RASGRP1: variants seen among roughly 807,000 people sequenced by gnomAD.
RASGRP1 encodes RAS guanyl-releasing protein 1.
A neutral mutation model predicts 95.1 loss-of-function variants in RASGRP1; 37 were observed. The ratio of observed to expected loss-of-function variants is 0.39; its 90% confidence interval spans 0.30 to 0.51. The LOEUF is 0.51. RASGRP1 is among the 20% of genes least tolerant of loss of function. RASGRP1 has a pLI of 0.80. For missense variants in RASGRP1, 711 were observed against 965.4 expected, an observed-to-expected ratio of 0.74 and a Z score of 3.49; for synonymous variants, 325 against 353.4, an observed-to-expected ratio of 0.92 and a Z score of 0.90.
chr15:38,514,324 G>A (rs1595845287), intron 6 of RASGRP1, among the ~76,000 whole-genome samples: 3 of 151,934 alleles, frequency 2.0e-5, no homozygotes, highest in Admixed American at 6.6e-5. Flanking sequence ...CATCTTACTG[G>A]TTCTAAAAGA....
Position 38,490,343 on chromosome 15 carries a change from T to A in RASGRP1, c.*211A>T, listed in dbSNP as rs1270983400. 5 of 411,574 alleles carry A rather than the reference T, an allele frequency of 1.2e-5. No individual in the cohort carries two copies. Among genetic ancestry groups the A allele is most frequent in the Non-Finnish European group, 2.1e-5 (5 of 242,740 alleles). The allele number at this position is 411,574 out of a possible 1,614,324, so 25.5% of individuals were successfully genotyped here. A position where few individuals can be genotyped will look rare whatever the true frequency, so the allele number is the denominator to read the frequency against. On this transcript the variant is annotated 3_prime_UTR_variant, in exon 17 of 17. Transcript: ENST00000310803. ...TGGTATGAATAGCAAAAGTTTTGCATTCTTTAGTTTTCCCCCTTTGAGTCA... is the reference window on the plus strand; with the variant it reads ...TGGTATGAATAGCAAAAGTTTTGCAATCTTTAGTTTTCCCCCTTTGAGTCA...
chr15:38,564,665 C>T lies in RASGRP1; in HGVS notation c.-37G>A. 4 of 1,238,954 alleles carry T rather than the reference C, an allele frequency of 3.2e-6. No homozygotes were observed. Among genetic ancestry groups the T allele is most frequent in the South Asian group, 3.6e-5 (1 of 27,630 alleles). 76.7% of individuals were successfully genotyped at this position (1,238,954 alleles called of 1,614,324 possible). A position where few individuals can be genotyped will look rare whatever the true frequency, so the allele number is the denominator to read the frequency against. On this transcript the variant is annotated 5_prime_UTR_variant, in exon 1 of 17. Coordinates refer to ENST00000310803, the MANE Select transcript of RASGRP1 (RefSeq NM_005739.4). ...GCGCTCCCGGTGCCGGCTCACCTAGCGCGGCCGGGCGCGGCGCATCGCCCC... is the reference window on the plus strand; with the variant it reads ...GCGCTCCCGGTGCCGGCTCACCTAGTGCGGCCGGGCGCGGCGCATCGCCCC...
chr15:38,511,054 C>T (rs890258503), intron 8 of RASGRP1, among the ~76,000 whole-genome samples: 2 of 152,138 alleles, frequency 1.3e-5, no homozygotes, highest in Admixed American at 1.3e-4. Context: ...ATGTACAGGA[C>T]ATTTAAGAAA....
intron 16 of RASGRP1, among the ~76,000 whole-genome samples, chr15:38,491,778 A>G (rs1022969521): frequency 2.0e-5 from 3 of 152,332 alleles, no homozygotes; most frequent in South Asian, 4.1e-4. Context: ...CCTTAGGTCT[A>G]TCTGACAAGC....
At chr15:38,525,688 C>A (rs1206961941) in intron 3 of RASGRP1, among the ~76,000 whole-genome samples, 1 of 152,210 alleles carries the variant, frequency 6.6e-6, no homozygotes, top group Non-Finnish European at 1.5e-5. Flanking sequence ...AACGGTCTCA[C>A]TCCGCCTACA....
At chr15:38,553,133 C>T (rs1275197903) in intron 2 of RASGRP1, among the ~76,000 whole-genome samples, 1 of 152,238 alleles carries the variant, frequency 6.6e-6, no homozygotes. Context: ...CTTACATTCT[C>T]ACTCTTTCCC....
intron 2 of RASGRP1, among the ~76,000 whole-genome samples, 163 bp from the exon 3 acceptor site, chr15:38,526,567 TAC>T (rs1381817351): frequency 2.0e-4 from 30 of 152,334 alleles, no homozygotes; most frequent in Non-Finnish European, 3.5e-4. Flanking sequence ...ATCCTCCTGC[TAC>T]ATTCTTCCCT....
chr15:38,491,557 A>G (rs995285961), intron 16 of RASGRP1, among the ~76,000 whole-genome samples: 1 of 152,162 alleles, frequency 6.6e-6, no homozygotes, highest in African/African-American at 2.4e-5. Context: ...CTTTTGTCCC[A>G]TGCTGGTTCA....
At chr15:38,558,628 G>A (rs575817252) in intron 2 of RASGRP1, among the ~76,000 whole-genome samples, 122 of 152,312 alleles carry the variant, frequency 8.0e-4, no homozygotes, top group African/African-American at 2.7e-3. Context: ...GCCCAGCAAT[G>A]TGTGCTAAAA....
intron 3 of RASGRP1, among the ~76,000 whole-genome samples, chr15:38,523,574 A>C (rs1892081012): frequency 6.6e-6 from 1 of 152,196 alleles, no homozygotes; most frequent in South Asian, 2.1e-4. Flanking sequence ...TATAGTGTTT[A>C]TAAAACCTAC....
chr15:38,549,486 T>C (rs1429039135), intron 2 of RASGRP1, among the ~76,000 whole-genome samples: 6 of 152,316 alleles, frequency 3.9e-5, no homozygotes, highest in Admixed American at 2.6e-4. Context: ...ATGATTCAGA[T>C]AGATCAGTGA....
intron 7 of RASGRP1, 141 bp from the exon 8 acceptor site, chr15:38,511,861 T>C: frequency 1.6e-6 from 1 of 619,294 alleles, no homozygotes; most frequent in South Asian, 1.9e-5. Flanking sequence ...CAATTTCCTG[T>C]CCATGTCTCC....
intron 12 of RASGRP1, among the ~76,000 whole-genome samples, 179 bp downstream of exon 12, chr15:38,502,133 G>A (rs925008250): frequency 6.6e-6 from 1 of 152,198 alleles, no homozygotes; most frequent in East Asian, 1.9e-4. Flanking sequence ...GGGATTACAG[G>A]CGTGAGCCAC....
intron 1 of RASGRP1, among the ~76,000 whole-genome samples, chr15:38,564,037 G>C (rs1354909768): frequency 6.6e-6 from 1 of 152,216 alleles, no homozygotes; most frequent in Non-Finnish European, 1.5e-5. Flanking sequence ...TCATAGTGAG[G>C]GGGAGAGGAG....
intron 15 of RASGRP1, among the ~76,000 whole-genome samples, chr15:38,497,292 T>G (rs1024338484): frequency 6.6e-6 from 1 of 152,142 alleles, no homozygotes; most frequent in Non-Finnish European, 1.5e-5. Context: ...CTTTTTTAAA[T>G]AGCTCCTCAT....
In RASGRP1 at chr15:38,489,714, C is replaced by G. The variant is rs549335007; in HGVS notation, c.*840G>C. On this transcript the variant is annotated 3_prime_UTR_variant, in exon 17 of 17. Coordinates refer to ENST00000310803, the MANE Select transcript of RASGRP1 (RefSeq NM_005739.4). ...GAAAGATGGAACATGAAGAGTTAAA[C>G]AGACTCTTCATAGACTTTTTTTTTT... is the stretch of plus-strand genomic sequence containing the variant. 47 of 131,390 alleles carry G rather than the reference C, an allele frequency of 3.6e-4. No homozygotes were observed. The highest frequency in any genetic ancestry group is 1.3e-3 in the African/African-American group (45 of 35,074). 8.1% of individuals were successfully genotyped at this position (131,390 alleles called of 1,614,324 possible).
intron 2 of RASGRP1, among the ~76,000 whole-genome samples, chr15:38,543,098 T>C: frequency 6.6e-6 from 1 of 151,846 alleles, no homozygotes; most frequent in East Asian, 1.9e-4. Context: ...GTCTAAAAAA[T>C]ACTCTAAGTT....
rs528451305 is a variant in RASGRP1, at chr15:38,539,749, G to A, written c.221-13345C>T. 2.8e-3 allele frequency among the ~76,000 whole-genome samples: 431 copies of A among 152,026 alleles called. 4 individuals are homozygous for A. The highest frequency in any genetic ancestry group is 3.9e-3 in the Non-Finnish European group (265 of 67,974). Reference sequence around the variant, plus strand: ...CTCCCACCCCACAACAGTCCCCAGAGTGTGATGTTCCCCTTCCTGTGTCCA... The same window carrying A: ...CTCCCACCCCACAACAGTCCCCAGAATGTGATGTTCCCCTTCCTGTGTCCA... On this transcript the variant is annotated intron_variant, in intron 2 of 16. Coordinates refer to ENST00000310803, the MANE Select transcript of RASGRP1 (RefSeq NM_005739.4).
chr15:38,556,097 A>G (rs1346535758), intron 2 of RASGRP1, among the ~76,000 whole-genome samples: 1 of 152,226 alleles, frequency 6.6e-6, no homozygotes, highest in Non-Finnish European at 1.5e-5. Context: ...TGTGATTCAC[A>G]TATATTTGAC....
Sources: gnomAD v4.1 joint callset for allele counts (sites outside exome capture counted in the v4.1 genomes callset) on GRCh38, gnomAD v4.1.1 for gene constraint, MANE v1.5 for transcripts, NCBI Gene and HGNC (gene_info 2026-07-23, HGNC 2026-07-21) for gene names.